Variants in SNX29 observed in about 807,000 individuals in gnomAD.
The protein encoded by SNX29 is sorting nexin-29.
SNX29 carries 78 observed loss-of-function variants against 102.1 expected under a neutral mutation model. The ratio of observed to expected loss-of-function variants is 0.76; its 90% CI spans 0.64 to 0.92. The LOEUF is 0.92. Ranked by LOEUF, SNX29 falls within the 40% of genes least tolerant of loss-of-function variation. SNX29 has a pLI of 0.00. For synonymous variants in SNX29, 580 were observed against 414.5 expected, an observed-to-expected ratio of 1.40 and a Z score of -4.85; for missense variants, 1,280 against 1,061.7, an observed-to-expected ratio of 1.21 and a Z score of -2.86.
intron 18 of SNX29, among the ~76,000 whole-genome samples, chr16:12,460,437 CCTT>C (rs1186167491): frequency 6.6e-6 from 1 of 152,062 alleles, no homozygotes; most frequent in Admixed American, 6.6e-5. Context: ...GTAGAAAACT[CCTT>C]CTATATTTTT....
At chr16:12,047,698 C>T (rs1255204804) in intron 6 of SNX29, among the ~76,000 whole-genome samples, 1 of 144,264 alleles carries the variant, frequency 6.9e-6, no homozygotes, top group Non-Finnish European at 1.5e-5. Context: ...ACTCTCGTTG[C>T]CCAGGCTGGA....
chr16:12,304,623 C>T (rs891944751), intron 15 of SNX29, among the ~76,000 whole-genome samples: 9 of 152,180 alleles, frequency 5.9e-5, no homozygotes, highest in African/African-American at 2.2e-4. Context: ...GAACGCCTGA[C>T]CTCAAGTGAT....
At chr16:12,412,311 C>T (rs922066363) in intron 18 of SNX29, among the ~76,000 whole-genome samples, 2 of 152,248 alleles carry the variant, frequency 1.3e-5, no homozygotes, top group Non-Finnish European at 2.9e-5. Flanking sequence ...AGATCTGCCT[C>T]ATGCCTCTGT....
At chr16:12,534,316 C>T (rs966524336) in intron 20 of SNX29, among the ~76,000 whole-genome samples, 1 of 152,216 alleles carries the variant, frequency 6.6e-6, no homozygotes, top group Non-Finnish European at 1.5e-5. Flanking sequence ...CTAATGAGGG[C>T]CTCTGTGCCC....
intron 18 of SNX29, among the ~76,000 whole-genome samples, chr16:12,413,529 A>G (rs2151555129): frequency 6.6e-6 from 1 of 152,166 alleles, no homozygotes; most frequent in East Asian, 1.9e-4. Flanking sequence ...ACTGTGGAGA[A>G]GGAAGCTGAG....
intron 13 of SNX29, among the ~76,000 whole-genome samples, chr16:12,167,449 C>T (rs2076042565): frequency 6.6e-6 from 1 of 152,112 alleles, no homozygotes; most frequent in Non-Finnish European, 1.5e-5. Flanking sequence ...ACCTGGTTGC[C>T]CTTCTTTTTG....
chr16:12,510,216 G>GACCAAATAT (rs1251183630), intron 19 of SNX29, among the ~76,000 whole-genome samples: 3 of 152,214 alleles, frequency 2.0e-5, no homozygotes, highest in Non-Finnish European at 2.9e-5. Context: ...GTATTCTACT[G>GACCAAATAT]TGTTTAATTT....
chr16:12,392,726 T>C (rs2083572714), intron 16 of SNX29, among the ~76,000 whole-genome samples: 1 of 152,262 alleles, frequency 6.6e-6, no homozygotes, highest in African/African-American at 2.4e-5. Flanking sequence ...CAAAGAATCC[T>C]TGACCTCAGC....
rs778636968 is a variant in SNX29, at chr16:12,356,210, C to T, written c.1830C>T (p.His610=). 2 of 1,613,502 alleles carry T rather than the reference C, an allele frequency of 1.2e-6. No homozygotes were observed. The highest frequency in any genetic ancestry group is 2.2e-5 in the East Asian group (1 of 44,846). Residue 610 remains histidine, a synonymous_variant, in exon 16 of 21, where the codon CAC becomes CAT. Coordinates refer to ENST00000566228, the MANE Select transcript of SNX29 (RefSeq NM_032167.5). The stretch of plus-strand genomic sequence containing the variant: ...TGATTGAGTTCAACGAGCGCCTGCA[C>T]AGGGCCCTGGTAGCCAAGGAAGCCC... ...GELIEFNERL[H]RALVAKEALV...
At chr16:12,559,805 C>CA (rs2078612203) in intron 20 of SNX29, among the ~76,000 whole-genome samples, 2 of 152,144 alleles carry the variant, frequency 1.3e-5, no homozygotes, top group African/African-American at 2.4e-5. Flanking sequence ...TACTATCTTC[C>CA]AGGCCATTTC....
chr16:12,572,833 C>T lies in SNX29; in HGVS notation c.*4204C>T. The T allele has an allele frequency of 3.8e-6, 4 of 1,063,724 alleles. No individual in the cohort carries two copies. Among genetic ancestry groups the T allele is most frequent in the Non-Finnish European group, 4.6e-6 (4 of 878,242 alleles). The allele number at this position is 1,063,724 out of a possible 1,614,324, so 65.9% of individuals were successfully genotyped here. The stretch of plus-strand genomic sequence containing the variant: ...TGGTTAGGAGGCATCCCAGAAGGGG[C>T]AGCCTCATGCCCAGGTTTCAGCCCT... On this transcript the variant is annotated 3_prime_UTR_variant, in exon 21 of 21. Transcript: ENST00000566228.
intron 20 of SNX29, among the ~76,000 whole-genome samples, chr16:12,568,302 G>C (rs1267928440): frequency 1.1e-4 from 2 of 18,984 alleles, no homozygotes; most frequent in South Asian, 1.4e-3. Flanking sequence ...TCGGAGTGCT[G>C]TTAAAAAAAA....
chr16:11,999,636 T>C (rs1188627129), intron 2 of SNX29, among the ~76,000 whole-genome samples: 1 of 152,208 alleles, frequency 6.6e-6, no homozygotes, highest in Admixed American at 6.5e-5. Context: ...GTGCAGTGGC[T>C]CACGCCTGTA....
At chr16:12,087,979 C>T in intron 11 of SNX29, 2 of 456,706 alleles carry the variant, frequency 4.4e-6, no homozygotes, top group South Asian at 3.1e-5. Flanking sequence ...CATGGCTAGA[C>T]CCTGTGCAGG....
intron 20 of SNX29, among the ~76,000 whole-genome samples, chr16:12,542,775 A>C (rs1275894818): frequency 1.3e-5 from 2 of 151,038 alleles, no homozygotes; most frequent in Non-Finnish European, 2.9e-5. Flanking sequence ...TTTTTTTTTA[A>C]ACAAAGTATT....
intron 20 of SNX29, among the ~76,000 whole-genome samples, chr16:12,567,309 C>T (rs189926209): frequency 8.6e-4 from 130 of 150,920 alleles, no homozygotes; most frequent in African/African-American, 3.1e-3. Context: ...CACAGCAGCA[C>T]AGAGGTGCTG....
intron 13 of SNX29, among the ~76,000 whole-genome samples, chr16:12,180,970 C>T (rs920950458): frequency 3.3e-5 from 5 of 152,166 alleles, no homozygotes; most frequent in Non-Finnish European, 2.9e-5. Flanking sequence ...TCTAATGTCT[C>T]GCTCCTGCTA....
intron 20 of SNX29, among the ~76,000 whole-genome samples, chr16:12,546,046 G>A (rs767992126): frequency 6.6e-6 from 1 of 152,202 alleles, no homozygotes; most frequent in Non-Finnish European, 1.5e-5. Context: ...GAGTACACAT[G>A]ATGGGAGTGA....
chr16:12,408,776 C>T (rs999245156), intron 18 of SNX29, among the ~76,000 whole-genome samples: 4 of 152,154 alleles, frequency 2.6e-5, no homozygotes, highest in South Asian at 2.1e-4. Context: ...GCCAAGATTG[C>T]GCCATTGCAC....
Sources: allele counts gnomAD v4.1 joint callset (sites outside exome capture counted in the v4.1 genomes callset), GRCh38; gene constraint gnomAD v4.1.1; transcripts MANE v1.5; gene names NCBI Gene and HGNC (gene_info 2026-07-23, HGNC 2026-07-21).